PAXIP1: variants seen among roughly 807,000 people sequenced by gnomAD.
PAXIP1 encodes the protein PAX-interacting protein 1.
In PAXIP1, 19 loss-of-function variants were observed where a neutral mutation model predicts 140.6. That is an observed-to-expected ratio of 0.14 (90% confidence interval 0.09 to 0.20). The LOEUF (loss-of-function observed/expected upper bound fraction) is 0.20. Among genes scored for constraint, PAXIP1 ranks in the 10% least tolerant of loss-of-function variants. The probability of loss-of-function intolerance (pLI) is 1.00; values close to 1 mark genes in which losing one functional copy is unlikely to be tolerated. For synonymous variants in PAXIP1, 442 were observed against 444.6 expected (o/e 0.99, Z 0.07); for missense variants, 920 against 1,208.6 (o/e 0.76, Z 3.54).
At chr7:154,959,987 G>T in intron 12 of PAXIP1, 54 bp from the exon 13 acceptor site, 1 of 1,209,348 alleles carries the variant, frequency 8.3e-7, no homozygotes, top group South Asian at 1.2e-5. Context: ...TAAATAAAAA[G>T]GCCTTTTTAT....
At chr7:154,944,513 G>A (rs1297400045) in intron 20 of PAXIP1, 3 of 177,218 alleles carry the variant, frequency 1.7e-5, no homozygotes, top group Non-Finnish European at 3.6e-5. Context: ...ACCACAAATA[G>A]CTGACTCCTA....
In PAXIP1 at chr7:154,995,368, C is replaced by A. The variant is rs528387889; in HGVS notation, c.217-1599G>T. On this transcript the variant is annotated intron_variant, in intron 2 of 20. Coordinates refer to ENST00000404141, the MANE Select transcript of PAXIP1 (RefSeq NM_007349.4). ...CCCAGGGAGCTTGGGTAGGGTATCC[C>A]AGTTTAAAGACTGCTGGCTATCATA... is the stretch of plus-strand genomic sequence containing the variant. Among the ~76,000 whole-genome samples, 6 of 152,300 alleles carry A rather than the reference C, an allele frequency of 3.9e-5. No individual in the cohort carries two copies. In the East Asian group the frequency reaches 1.2e-3, roughly 29 times the overall value.
chr7:154,973,940 G>C lies in PAXIP1; in HGVS notation c.1074+1756C>G, dbSNP rs1809448334. On this transcript the variant is annotated intron_variant, in intron 6 of 20. Transcript: ENST00000404141. The surrounding 1 kb of genome is among the most constrained non-coding windows in gnomAD (Gnocchi z 4.0). ...GGCAGACGGGGTGTCACCATCAGAT[G>C]GAACAGCCCAGCTGGCTCTCAATGG... Among the ~76,000 whole-genome samples the C allele has an allele frequency of 6.6e-6, 1 of 152,174 alleles. No homozygotes were observed.
chr7:154,968,483 G>C lies in PAXIP1; in HGVS notation c.1718C>G (p.Pro573Arg). The C allele has an allele frequency of 8.4e-7, 1 of 1,185,406 alleles. No homozygotes were observed. The highest frequency in any genetic ancestry group is 1.2e-6 in the Non-Finnish European group (1 of 813,882). 73.4% of individuals were successfully genotyped at this position (1,185,406 alleles called of 1,614,324 possible). ...ALQHQVPPQQPPQQQQQQQPP... is the reference protein window; with the variant it reads ...ALQHQVPPQQRPQQQQQQQPP... ...CTGCTGTTGCTGCTGCTGCTGCGGGGGCTGCTGAGGTGGAACCTGATGCTG... is the reference window on the plus strand; with the variant it reads ...CTGCTGTTGCTGCTGCTGCTGCGGGCGCTGCTGAGGTGGAACCTGATGCTG... Residue 573 changes from proline to arginine, a missense_variant, in exon 7 of 21, where the codon CCC becomes CGC. This residue lies in a region of PAXIP1 where 133 missense variants were observed against 88.4 expected (regional missense o/e 1.50). Transcript: ENST00000404141.
At chr7:154,952,814 C>A (rs1391894175) in intron 16 of PAXIP1, among the ~76,000 whole-genome samples, 1 of 152,158 alleles carries the variant, frequency 6.6e-6, no homozygotes, top group Non-Finnish European at 1.5e-5. Context: ...GCCTGAATAT[C>A]ATAGTTGAGG....
At chr7:154,947,027 G>A (rs1025806560) in intron 17 of PAXIP1, 5 of 445,688 alleles carry the variant, frequency 1.1e-5, no homozygotes, top group East Asian at 3.7e-5. Flanking sequence ...TGTTAAGTAT[G>A]CCTGAAGATG....
chr7:154,958,070 T>TTTCACAAAAGATG (rs1283852331), intron 13 of PAXIP1, among the ~76,000 whole-genome samples: 1 of 151,366 alleles, frequency 6.6e-6, no homozygotes, highest in East Asian at 1.9e-4. Flanking sequence ...ACCTATGAGA[T>TTTCACAAAAGATG]TTCACAAAAG....
chr7:154,992,948 C>T (rs994865138), intron 3 of PAXIP1, among the ~76,000 whole-genome samples: 1 of 152,168 alleles, frequency 6.6e-6, no homozygotes, highest in East Asian at 1.9e-4. Flanking sequence ...CCTGGCATAG[C>T]TGCAAAATAA....
intron 4 of PAXIP1, 117 bp downstream of exon 4, chr7:154,990,889 A>C: frequency 1.7e-6 from 1 of 598,822 alleles, no homozygotes; most frequent in Non-Finnish European, 2.9e-6. Context: ...TATTAAATAC[A>C]CAGTCAGTTT....
At chr7:155,002,083 T>A (rs1457522818) in intron 1 of PAXIP1, 1 of 152,270 alleles carries the variant, frequency 6.6e-6, no homozygotes, top group African/African-American at 2.4e-5. Context: ...TCAACTAAGA[T>A]GCATTCCTAC....
In PAXIP1 at chr7:154,954,065, AC is replaced by A. The variant is rs1808402945; in HGVS notation, c.2821+189del. ...TATTGTCCAATTTACCAAAACTTTT[AC>A]ACCTAGGGTAAAATGCAAAGACATC... is the stretch of plus-strand genomic sequence containing the variant. On this transcript the variant is annotated intron_variant, in intron 16 of 20. Coordinates refer to ENST00000404141, the MANE Select transcript of PAXIP1 (RefSeq NM_007349.4). The surrounding 1 kb of genome is among the most constrained non-coding windows in gnomAD (Gnocchi z 5.1). Among the ~76,000 whole-genome samples, 2 of 152,220 alleles carry A rather than the reference AC, an allele frequency of 1.3e-5. No homozygotes were observed.
chr7:154,986,200 G>A lies in PAXIP1; in HGVS notation c.325-2868C>T. 7.4e-7 allele frequency: 1 copy of A among 1,350,508 alleles called. No individual in the cohort carries two copies. The highest frequency in any genetic ancestry group is 1.2e-5 in the South Asian group (1 of 85,090). 83.7% of individuals were successfully genotyped at this position (1,350,508 alleles called of 1,614,324 possible). A position where few individuals can be genotyped will look rare whatever the true frequency, so the allele number is the denominator to read the frequency against. On this transcript the variant is annotated intron_variant, in intron 4 of 20. Coordinates refer to ENST00000404141, the MANE Select transcript of PAXIP1 (RefSeq NM_007349.4). The surrounding 1 kb of genome is among the most constrained non-coding windows in gnomAD (Gnocchi z 4.8). ...ACACCCTGACGGGGAAAAGACAGAA[G>A]GTCACTGAGAACCACCAAGAAACAG...
intron 13 of PAXIP1, among the ~76,000 whole-genome samples, chr7:154,957,991 A>G (rs1294257028): frequency 2.0e-5 from 3 of 151,762 alleles, no homozygotes; most frequent in Non-Finnish European, 4.4e-5. Context: ...AAAAAAAAAA[A>G]AAGAATGTGG....
chr7:154,953,582 C>T (rs907369695), intron 16 of PAXIP1, among the ~76,000 whole-genome samples: 1 of 152,112 alleles, frequency 6.6e-6, no homozygotes, highest in African/African-American at 2.4e-5. Context: ...ACTGGGGACA[C>T]CAACCCTGCA....
intron 1 of PAXIP1, among the ~76,000 whole-genome samples, 192 bp downstream of exon 1, chr7:155,002,656 TC>T (rs1195345696): frequency 6.6e-6 from 1 of 150,954 alleles, no homozygotes; most frequent in African/African-American, 2.4e-5. Context: ...CCTCCCGCAC[TC>T]CCCCGGGCCC....
intron 10 of PAXIP1, 38 bp downstream of exon 10, chr7:154,962,283 G>A: frequency 6.2e-7 from 1 of 1,606,414 alleles, no homozygotes; most frequent in South Asian, 1.1e-5. Context: ...AAAGTCGAAG[G>A]ATGATTTAAC....
Position 154,959,873 on chromosome 7 carries a change from T to G in PAXIP1, c.2478+17A>C. 6.5e-7 allele frequency: 1 copy of G among 1,546,840 alleles called. No individual in the cohort carries two copies. Among genetic ancestry groups the G allele is most frequent in the Non-Finnish European group, 8.9e-7 (1 of 1,119,192 alleles). On this transcript the variant is annotated intron_variant, in intron 13 of 20. Coordinates refer to ENST00000404141, the MANE Select transcript of PAXIP1 (RefSeq NM_007349.4). ...TAATACAGTAATAGCCAAGGTAAGG[T>G]TATTAATTTGACATACCATCAACAA... is the stretch of plus-strand genomic sequence containing the variant.
intron 6 of PAXIP1, among the ~76,000 whole-genome samples, chr7:154,970,677 C>A (rs961335593): frequency 1.3e-5 from 2 of 152,210 alleles, no homozygotes; most frequent in Admixed American, 1.3e-4. Flanking sequence ...TGTGCAAACA[C>A]CCCCTAAGAA....
At chr7:154,969,414 G>A (rs1331970745) in intron 6 of PAXIP1, among the ~76,000 whole-genome samples, 2 of 152,256 alleles carry the variant, frequency 1.3e-5, no homozygotes, top group Middle Eastern at 3.2e-3. Context: ...GACGGCTGAT[G>A]TGTTTGCCAG....
Sources: gnomAD v4.1 joint callset for allele counts (sites outside exome capture counted in the v4.1 genomes callset) on GRCh38, gnomAD v4.1.1 for gene constraint, gnomAD v4.1.1 regional missense constraint, Gnocchi (gnomAD v3.1) non-coding constraint, MANE v1.5 for transcripts, NCBI Gene and HGNC (gene_info 2026-07-23, HGNC 2026-07-21) for gene names.